Variants in NRG3 observed in about 807,000 individuals in gnomAD.
NRG3 encodes pro-neuregulin-3, membrane-bound isoform.
A neutral mutation model predicts 66.9 loss-of-function variants in NRG3; 31 were observed. That is an observed-to-expected ratio of 0.46 (90% CI 0.35 to 0.63). The LOEUF is 0.63. NRG3 is among the 20% of genes least tolerant of loss of function. The pLI is 0.00. For missense variants in NRG3, 910 were observed against 878.9 expected (o/e 1.04, Z -0.45); for synonymous variants, 393 against 359.4 (o/e 1.09, Z -1.06).
At chr10:81,906,258 G>GT (rs1426704801) in intron 1 of NRG3, among the ~76,000 whole-genome samples, 3 of 151,976 alleles carry the variant, frequency 2.0e-5, no homozygotes, top group African/African-American at 7.3e-5. Context: ...GAAAATTTCA[G>GT]TTTCAAAGAA....
chr10:82,774,698 G>T, intron 3 of NRG3, among the ~76,000 whole-genome samples: 1 of 140,520 alleles, frequency 7.1e-6, no homozygotes, highest in Admixed American at 6.9e-5. Flanking sequence ...TTTTGATTTT[G>T]TTTACTTTTT....
At chr10:82,871,848 T>C (rs1460859755) in intron 4 of NRG3, among the ~76,000 whole-genome samples, 1 of 152,076 alleles carries the variant, frequency 6.6e-6, no homozygotes, top group Admixed American at 6.6e-5. Flanking sequence ...AGCAATCAGG[T>C]CATCTGCAAA....
intron 8 of NRG3, chr10:82,984,659 A>G: frequency 1.1e-6 from 1 of 944,702 alleles, no homozygotes; most frequent in Non-Finnish European, 1.6e-6. Flanking sequence ...AGTCTACTGG[A>G]CTAACCCAGG....
At chr10:82,774,043 G>T (rs1469228928) in intron 3 of NRG3, among the ~76,000 whole-genome samples, 3 of 152,158 alleles carry the variant, frequency 2.0e-5, no homozygotes, top group African/African-American at 7.2e-5. Context: ...GCATGCCAGG[G>T]ATATATCACA....
At chr10:82,936,738 T>C (rs976423218) in intron 4 of NRG3, among the ~76,000 whole-genome samples, 1 of 152,104 alleles carries the variant, frequency 6.6e-6, no homozygotes, top group African/African-American at 2.4e-5. Flanking sequence ...CATATGTCAA[T>C]TTAAAAATAA....
intron 1 of NRG3, among the ~76,000 whole-genome samples, chr10:82,347,701 T>C (rs2083123321): frequency 1.3e-5 from 2 of 152,214 alleles, no homozygotes; most frequent in Admixed American, 1.3e-4. Context: ...TGTGGGAGTC[T>C]AAGTCTCTTT....
chr10:82,826,793 C>T (rs1365320649), intron 3 of NRG3, among the ~76,000 whole-genome samples: 1 of 152,032 alleles, frequency 6.6e-6, no homozygotes, highest in African/African-American at 2.4e-5. Flanking sequence ...AAATCAAAAA[C>T]TACCTATCGG....
chr10:82,341,557 A>T (rs983570904), intron 1 of NRG3, among the ~76,000 whole-genome samples: 1 of 152,076 alleles, frequency 6.6e-6, no homozygotes, highest in Admixed American at 6.6e-5. Context: ...AATTGTTAAA[A>T]CTATAAGTCC....
At chr10:82,916,048 A>G (rs1845799802) in intron 4 of NRG3, among the ~76,000 whole-genome samples, 1 of 152,190 alleles carries the variant, frequency 6.6e-6, no homozygotes, top group South Asian at 2.1e-4. Flanking sequence ...CAAAAAATAT[A>G]TCATGTTCTA....
intron 2 of NRG3, among the ~76,000 whole-genome samples, chr10:82,390,560 A>G (rs756506444): frequency 1.4e-4 from 22 of 152,162 alleles, no homozygotes; most frequent in Non-Finnish European, 2.8e-4. Flanking sequence ...TCACACCTAC[A>G]TAATTATTAA....
chr10:82,677,574 C>G (rs2053801953), intron 2 of NRG3, among the ~76,000 whole-genome samples: 1 of 151,974 alleles, frequency 6.6e-6, no homozygotes, highest in Admixed American at 6.6e-5. Context: ...TTTTTACTGT[C>G]TGAAACTCTT....
chr10:82,050,790 A>C (rs1589918703), intron 1 of NRG3, among the ~76,000 whole-genome samples: 4 of 73,494 alleles, frequency 5.4e-5, no homozygotes, highest in Admixed American at 1.5e-4. Context: ...TTCCTCTCAG[A>C]CTCCTCCTAC....
At chr10:82,437,770 T>C (rs1252529930) in intron 2 of NRG3, among the ~76,000 whole-genome samples, 1 of 152,166 alleles carries the variant, frequency 6.6e-6, no homozygotes, top group Non-Finnish European at 1.5e-5. Flanking sequence ...GTTGCTTTCT[T>C]CTGGTTTGTT....
intron 2 of NRG3, among the ~76,000 whole-genome samples, chr10:82,537,390 T>A (rs367856497): frequency 3.9e-5 from 6 of 152,094 alleles, no homozygotes; most frequent in African/African-American, 1.4e-4. Flanking sequence ...GGTTAGGGGC[T>A]TGCAGGACAA....
chr10:82,512,656 A>G (rs905208067), intron 2 of NRG3, among the ~76,000 whole-genome samples: 2 of 152,122 alleles, frequency 1.3e-5, no homozygotes, highest in East Asian at 1.9e-4. Context: ...CAGCACTTTT[A>G]TGTCACTCCT....
At chr10:82,244,529 T>C (rs986611378) in intron 1 of NRG3, among the ~76,000 whole-genome samples, 24 of 152,162 alleles carry the variant, frequency 1.6e-4, no homozygotes, top group Non-Finnish European at 2.8e-4. Context: ...ATCTAAATTA[T>C]TTTGTTGAAT....
intron 2 of NRG3, among the ~76,000 whole-genome samples, chr10:82,537,238 G>C (rs1233603034): frequency 6.6e-6 from 1 of 151,838 alleles, no homozygotes; most frequent in African/African-American, 2.4e-5. Context: ...ATTTCCTTAG[G>C]TCAATTCATT....
intron 2 of NRG3, among the ~76,000 whole-genome samples, chr10:82,595,244 T>C (rs994264126): frequency 2.0e-5 from 3 of 152,194 alleles, no homozygotes; most frequent in South Asian, 2.1e-4. Flanking sequence ...TGTAGTGAAC[T>C]TACTCACTAC....
chr10:82,887,274 T>C (rs1842805510), intron 4 of NRG3, among the ~76,000 whole-genome samples: 1 of 152,200 alleles, frequency 6.6e-6, no homozygotes, highest in East Asian at 1.9e-4. Flanking sequence ...TGATTTTACA[T>C]ACCCAAGCAT....
Sources: allele counts gnomAD v4.1 joint callset (sites outside exome capture counted in the v4.1 genomes callset), GRCh38; gene constraint gnomAD v4.1.1; transcripts MANE v1.5; gene names NCBI Gene and HGNC (gene_info 2026-07-23, HGNC 2026-07-21).